The following UROC1 variants were observed in gnomAD, a reference collection of about 807,000 sequenced individuals.
The protein encoded by UROC1 is urocanate hydratase 1, also known as urocanate hydratase.
Under a neutral mutation model 89.5 loss-of-function variants are expected in UROC1, and 79 were observed. The ratio of observed to expected loss-of-function variants is 0.88; its 90% CI spans 0.74 to 1.06. The LOEUF (loss-of-function observed/expected upper bound fraction) is 1.06, where lower values mean the gene tolerates loss of function less well. Ranked by LOEUF, UROC1 falls within the 50% of genes least tolerant of loss-of-function variation. UROC1 has a pLI of 0.00. For synonymous variants in UROC1, 361 were observed against 354.8 expected (o/e 1.02, Z -0.20); for missense variants, 885 against 907.8 (o/e 0.97, Z 0.32).
At position 126,500,787 on chromosome 3, in the gene UROC1, A is replaced by G; in HGVS notation, c.1053T>C (p.Asn351=). 6.2e-7 allele frequency: 1 copy of G among 1,614,090 alleles called. No individual in the cohort carries two copies. Among genetic ancestry groups the G allele is most frequent in the Non-Finnish European group, 8.5e-7 (1 of 1,180,038 alleles). The change falls in exon 11 of 20, where the codon AAT becomes AAC. Residue 351 remains asparagine (N), a synonymous_variant. Coordinates refer to ENST00000290868, the MANE Select transcript of UROC1 (RefSeq NM_144639.3). The part of the protein sequence containing the change: ...SDQTSCHNPF[N]GGYYPVQLSF... ...TGAGCTGCACAGGGTAGTAGCCGCC[A>G]TTGAACGGGTTGTGGCAGGATGTCT...
intron 1 of UROC1, among the ~76,000 whole-genome samples, chr3:126,515,363 A>G (rs1310509562): frequency 4.0e-5 from 6 of 151,566 alleles, no homozygotes; most frequent in Non-Finnish European, 5.9e-5. Flanking sequence ...TCTGCCCCTG[A>G]GTACCCACCA....
At chr3:126,488,411 C>G in intron 17 of UROC1, 132 bp from the exon 18 acceptor site, 1 of 910,530 alleles carries the variant, frequency 1.1e-6, no homozygotes, top group African/African-American at 1.6e-5. Context: ...GCCCTAGGGA[C>G]AGGGCCTCTC....
Position 126,508,418 on chromosome 3 carries a change from G to A in UROC1, c.409C>T (p.Gln137Ter). ...CGAGGCCACACGGTGTGCAGTACCT[G>A]AGCCCAGTTGCTGAACACCTGCCCA... is the stretch of plus-strand genomic sequence containing the variant. The part of the protein sequence containing the change: ...GNGQVFSNWA[Q>*]FWLTMFYLSK... Residue 137 changes from glutamine to a stop codon, truncating the protein, a stop_gained and splice_region_variant, in exon 4 of 20, where the codon CAG becomes TAG. Coordinates refer to ENST00000290868, the MANE Select transcript of UROC1 (RefSeq NM_144639.3). LOFTEE classifies it high-confidence loss of function. 1 of 1,613,892 alleles carries A rather than the reference G, an allele frequency of 6.2e-7. No homozygotes were observed. The highest frequency in any genetic ancestry group is 8.5e-7 in the Non-Finnish European group (1 of 1,179,898).
At chr3:126,512,489 C>G (rs193131790) in intron 1 of UROC1, among the ~76,000 whole-genome samples, 1 of 152,282 alleles carries the variant, frequency 6.6e-6, no homozygotes, top group Admixed American at 6.5e-5. Flanking sequence ...CTTTGGGAGA[C>G]CAAGGTAGGA....
In UROC1 at chr3:126,486,963, G is replaced by A. The variant is rs577332221; in HGVS notation, c.1790+1235C>T. ...CCCAAAACACCCCTCAAGGGCAGCA[G>A]GGTAAAAGGTTTTAGGTCCCAGTGT... On this transcript the variant is annotated intron_variant, in intron 18 of 19. Coordinates refer to ENST00000290868, the MANE Select transcript of UROC1 (RefSeq NM_144639.3). Among the ~76,000 whole-genome samples the A allele has an allele frequency of 6.3e-4, 96 of 152,368 alleles. 1 individual carries two copies. Among genetic ancestry groups the A allele is most frequent in the Middle Eastern group, 6.8e-3 (2 of 294 alleles).
In UROC1 at chr3:126,492,515, A is replaced by C; in HGVS notation, c.1511T>G (p.Val504Gly). ...CAGGATCCTTGCCTGGGAGCCCACC[A>C]CCTGAGGAGAGAAGGGCAACTGGCA... ...WIREAARHRL[V>G]VGSQARILYS... is the part of the protein sequence containing the mutation. Residue 504 changes from valine to glycine, a missense_variant and splice_region_variant, in exon 16 of 20, where the codon GTG (valine) becomes GGG (glycine). By Grantham distance (109) the Val-to-Gly change is moderately radical. Transcript: ENST00000290868. 6.2e-7 allele frequency: 1 copy of C among 1,611,196 alleles called. No individual in the cohort carries two copies. The highest frequency in any genetic ancestry group is 8.5e-7 in the Non-Finnish European group (1 of 1,179,698).
chr3:126,499,428 C>T lies in UROC1; in HGVS notation c.1244-19G>A. ...TCCGCTCCTGTGGGCAGAGCCCGGA[C>T]AGTCACCACCCAAGGCAGGACACCC... On this transcript the variant is annotated intron_variant, in intron 12 of 19. Transcript: ENST00000290868. 1 of 1,606,274 alleles carries T rather than the reference C, an allele frequency of 6.2e-7. No homozygotes were observed. Among genetic ancestry groups the T allele is most frequent in the Non-Finnish European group, 8.5e-7 (1 of 1,176,538 alleles).
chr3:126,498,590 A>T lies in UROC1; in HGVS notation c.1317-418T>A, dbSNP rs972587134. ...TCCAGGACAGGGCTGTCCTGGGGGG[A>T]GGATGCCGTGGCCTGGGCCCTCCCT... On this transcript the variant is annotated intron_variant, in intron 13 of 19. Transcript: ENST00000290868. Among the ~76,000 whole-genome samples, 3 of 151,796 alleles carry T rather than the reference A, an allele frequency of 2.0e-5. No individual in the cohort carries two copies. The South Asian group carries it at 6.2e-4, about 31-fold the overall frequency.
At chr3:126,512,280 GC>G (rs973488382) in intron 1 of UROC1, among the ~76,000 whole-genome samples, 1 of 152,232 alleles carries the variant, frequency 6.6e-6, no homozygotes, top group Admixed American at 6.5e-5. Flanking sequence ...GCTGAGCAGT[GC>G]CCACTGTTCC....
intron 16 of UROC1, among the ~76,000 whole-genome samples, chr3:126,492,084 C>CG (rs1159034902): frequency 2.6e-5 from 4 of 151,822 alleles, no homozygotes. Context: ...CTCCTGCTCC[C>CG]CCAGGCCCTC....
At position 126,505,994 on chromosome 3, in the gene UROC1, G is replaced by A. The variant is rs755896147; in HGVS notation, c.620C>T (p.Ala207Val). 6.2e-7 allele frequency: 1 copy of A among 1,613,272 alleles called. No homozygotes were observed. Among genetic ancestry groups the A allele is most frequent in the Non-Finnish European group, 8.5e-7 (1 of 1,179,992 alleles). Residue 207 changes from alanine to valine, a missense_variant, in exon 7 of 20, where the codon GCA (alanine) becomes GTA (valine). Transcript: ENST00000290868. Reference protein sequence around the residue: ...LGVTMYGQMTAGSYCYIGPQG... With the variant: ...LGVTMYGQMTVGSYCYIGPQG... ...GGGACCGATGTAGCAGTAGCTACCT[G>A]CTGTCATCTGGCCGTACCTGACCAC... is the stretch of plus-strand genomic sequence containing the variant.
chr3:126,483,689 G>T (rs191789583), intron 18 of UROC1, among the ~76,000 whole-genome samples: 16 of 152,348 alleles, frequency 1.1e-4, no homozygotes, highest in Non-Finnish European at 1.9e-4. Flanking sequence ...TGCCCCCTGT[G>T]CTGGGCCTGT....
At chr3:126,507,854 G>T (rs369689208) in intron 5 of UROC1, 51 bp from the exon 6 acceptor site, 16 of 1,612,792 alleles carry the variant, frequency 9.9e-6, no homozygotes, top group Non-Finnish European at 1.4e-5. Flanking sequence ...TGGAGGGCGA[G>T]CACAGAGCCC....
chr3:126,517,628 A>T lies in UROC1; in HGVS notation c.92T>A (p.Val31Asp), dbSNP rs754789566. 1 of 1,612,044 alleles carries T rather than the reference A, an allele frequency of 6.2e-7. No individual in the cohort carries two copies. Among genetic ancestry groups the T allele is most frequent in the Non-Finnish European group, 8.5e-7 (1 of 1,179,632 alleles). ...GRQAGVPHAP[V>D]RTPSLSPVEK... ...CACAGGGCTGAGGCTGGGGGTCCTG[A>T]CAGGGGCATGGGGCACCCCAGCCTG... The change falls in exon 1 of 20, where the codon GTC (valine) becomes GAC (aspartate). Residue 31 changes from valine to aspartate, a missense_variant. Physicochemically the swap from Val to Asp is radical, Grantham distance 152 (BLOSUM62 -3). Coordinates refer to ENST00000290868, the MANE Select transcript of UROC1 (RefSeq NM_144639.3).
intron 6 of UROC1, among the ~76,000 whole-genome samples, chr3:126,506,745 T>A (rs1227560269): frequency 6.6e-6 from 1 of 152,122 alleles, no homozygotes; most frequent in Non-Finnish European, 1.5e-5. Context: ...GTAAGAGGGA[T>A]CTCCTTTTCA....
intron 6 of UROC1, among the ~76,000 whole-genome samples, 187 bp from the exon 7 acceptor site, chr3:126,506,198 T>C (rs1335591102): frequency 6.6e-6 from 1 of 152,208 alleles, no homozygotes; most frequent in Non-Finnish European, 1.5e-5. Context: ...TTGTCCCCTC[T>C]CGCCTTCCAG....
chr3:126,491,031 C>A (rs577127854), intron 16 of UROC1, among the ~76,000 whole-genome samples: 1 of 152,322 alleles, frequency 6.6e-6, no homozygotes, highest in African/African-American at 2.4e-5. Context: ...TGACAAAAGC[C>A]TGGGATGCCC....
intron 9 of UROC1, among the ~76,000 whole-genome samples, chr3:126,502,647 C>T (rs111163503): frequency 0.038 from 5,610 of 147,494 alleles, 147 homozygotes; most frequent in Middle Eastern, 0.069. Context: ...TGCATGTGTG[C>T]ACTCTGTGTG....
At chr3:126,513,772 T>C (rs954011388) in intron 1 of UROC1, among the ~76,000 whole-genome samples, 3 of 152,260 alleles carry the variant, frequency 2.0e-5, no homozygotes, top group African/African-American at 7.2e-5. Flanking sequence ...GGGACCTCCA[T>C]AGAAGCCTCT....
Sources: allele counts gnomAD v4.1 joint callset (sites outside exome capture counted in the v4.1 genomes callset), GRCh38; gene constraint gnomAD v4.1.1; transcripts MANE v1.5; gene names NCBI Gene and HGNC (gene_info 2026-07-23, HGNC 2026-07-21).